The following ADAMTSL1 variants were observed in gnomAD, a reference collection of about 807,000 sequenced individuals.
ADAMTSL1 encodes ADAMTS-like protein 1.
A neutral mutation model predicts 201.8 loss-of-function variants in ADAMTSL1; 126 were observed. The observed-to-expected ratio is 0.62, with a 90% confidence interval of 0.54 to 0.72. ADAMTSL1 has a LOEUF of 0.72. Ranked by LOEUF, ADAMTSL1 falls within the 30% of genes least tolerant of loss-of-function variation. ADAMTSL1 has a pLI of 0.00. For synonymous variants in ADAMTSL1, 1,121 were observed against 903.4 expected (o/e 1.24, Z -4.32); for missense variants, 2,679 against 2,277.8 (o/e 1.18, Z -3.59).
chr9:17,967,407 G>A (rs1318116832), intron 1 of ADAMTSL1, among the ~76,000 whole-genome samples: 1 of 151,976 alleles, frequency 6.6e-6, no homozygotes, highest in African/African-American at 2.4e-5. Flanking sequence ...TCTCTAAATT[G>A]ACTTTTTGTA....
At chr9:18,312,142 C>T (rs532922796) in intron 2 of ADAMTSL1, among the ~76,000 whole-genome samples, 4 of 152,132 alleles carry the variant, frequency 2.6e-5, no homozygotes, top group Non-Finnish European at 2.9e-5. Flanking sequence ...GTACAGATTA[C>T]GGATAGCTGC....
At position 18,183,689 on chromosome 9, in the gene ADAMTSL1, A is replaced by G. The variant is rs115777648; in HGVS notation, c.207+19708A>G. Among the ~76,000 whole-genome samples, 1,308 of 152,280 alleles carry G rather than the reference A, an allele frequency of 8.6e-3. 17 individuals are homozygous for G. Among genetic ancestry groups the G allele is most frequent in the African/African-American group, 0.029 (1,214 of 41,550 alleles). On this transcript the variant is annotated intron_variant, in intron 2 of 29. Coordinates refer to the ADAMTSL1 transcript ENST00000680146. The stretch of plus-strand genomic sequence containing the variant: ...GAGATACCACTACACATCTATTAGA[A>G]TGGTCAAAATCCAAACGCTGACATC...
intron 2 of ADAMTSL1, among the ~76,000 whole-genome samples, chr9:18,522,203 AC>A (rs1818739902): frequency 6.6e-6 from 1 of 152,098 alleles, no homozygotes; most frequent in Non-Finnish European, 1.5e-5. Flanking sequence ...TATGCTCACT[AC>A]CTGGTGACAG....
chr9:18,208,554 G>T (rs903362589), intron 2 of ADAMTSL1, among the ~76,000 whole-genome samples: 3 of 152,086 alleles, frequency 2.0e-5, no homozygotes, highest in African/African-American at 7.2e-5. Flanking sequence ...AAGACACCAG[G>T]CACAGTTTTA....
intron 2 of ADAMTSL1, among the ~76,000 whole-genome samples, chr9:18,359,824 C>T (rs1180048550): frequency 1.2e-5 from 1 of 81,588 alleles, no homozygotes; most frequent in African/African-American, 5.4e-5. Context: ...CACCTCCCCA[C>T]CCGCCCCCCC....
At chr9:18,694,860 G>C (rs991664312) in intron 13 of ADAMTSL1, among the ~76,000 whole-genome samples, 1 of 152,192 alleles carries the variant, frequency 6.6e-6, no homozygotes, top group East Asian at 1.9e-4. Flanking sequence ...TTCTCCATGA[G>C]GTCTCTGTTC....
intron 2 of ADAMTSL1, among the ~76,000 whole-genome samples, chr9:18,439,218 A>G (rs1388778448): frequency 6.6e-6 from 1 of 152,094 alleles, no homozygotes. Flanking sequence ...CCCGGTTCCT[A>G]TGTCTTCATT....
At chr9:18,493,063 C>G (rs1822343610) in intron 1 of ADAMTSL1, among the ~76,000 whole-genome samples, 1 of 152,194 alleles carries the variant, frequency 6.6e-6, no homozygotes, top group Admixed American at 6.5e-5. Context: ...AGCTGAATAT[C>G]ACCTAGTCCC....
intron 3 of ADAMTSL1, among the ~76,000 whole-genome samples, chr9:18,565,656 C>G (rs1821843533): frequency 6.6e-6 from 1 of 151,756 alleles, no homozygotes; most frequent in African/African-American, 2.4e-5. Flanking sequence ...GCACCATCCT[C>G]CAAAACTGAC....
chr9:18,209,062 G>T (rs1829764165), intron 2 of ADAMTSL1, among the ~76,000 whole-genome samples: 1 of 152,044 alleles, frequency 6.6e-6, no homozygotes, highest in Non-Finnish European at 1.5e-5. Context: ...TTGTAATTTA[G>T]GTTTACAGTA....
intron 2 of ADAMTSL1, among the ~76,000 whole-genome samples, chr9:18,399,508 A>C (rs1471905502): frequency 1.0e-5 from 1 of 97,218 alleles, no homozygotes; most frequent in African/African-American, 4.2e-5. Context: ...TTTCTGGCTG[A>C]TTTTTATATT....
intron 23 of ADAMTSL1, among the ~76,000 whole-genome samples, chr9:18,861,103 C>G (rs537746724): frequency 3.3e-5 from 5 of 152,314 alleles, no homozygotes; most frequent in Admixed American, 3.3e-4. Flanking sequence ...ATACACATCC[C>G]TCATTATACA....
chr9:18,632,722 G>A (rs1826855182), intron 5 of ADAMTSL1, among the ~76,000 whole-genome samples: 1 of 152,260 alleles, frequency 6.6e-6, no homozygotes. Context: ...ATCGTTTAAT[G>A]TCTGGCCAGG....
At chr9:18,825,258 C>T (rs1438641270) in intron 21 of ADAMTSL1, among the ~76,000 whole-genome samples, 1 of 152,126 alleles carries the variant, frequency 6.6e-6, no homozygotes, top group South Asian at 2.1e-4. Flanking sequence ...AAGGAAACTT[C>T]CTGAGGAATT....
At chr9:18,569,396 A>T (rs1198175646) in intron 3 of ADAMTSL1, among the ~76,000 whole-genome samples, 1 of 152,214 alleles carries the variant, frequency 6.6e-6, no homozygotes, top group Non-Finnish European at 1.5e-5. Flanking sequence ...TAAATACAGT[A>T]ATTCGTGGGA....
chr9:18,191,471 T>C (rs900373824), intron 2 of ADAMTSL1, among the ~76,000 whole-genome samples: 1 of 152,236 alleles, frequency 6.6e-6, no homozygotes, highest in Middle Eastern at 3.4e-3. Context: ...CATGGAGGCA[T>C]AAACGTCAGA....
chr9:17,924,221 T>C (rs1181582707), intron 1 of ADAMTSL1, among the ~76,000 whole-genome samples: 1 of 152,054 alleles, frequency 6.6e-6, no homozygotes. Flanking sequence ...TCCTTGTACC[T>C]CTGGTAGAAT....
intron 1 of ADAMTSL1, among the ~76,000 whole-genome samples, chr9:17,924,254 C>G (rs1485895659): frequency 6.6e-6 from 1 of 152,078 alleles, no homozygotes; most frequent in Non-Finnish European, 1.5e-5. Flanking sequence ...CCATCTGGTC[C>G]TGGACTCTTT....
intron 23 of ADAMTSL1, 34 bp from the exon 24 acceptor site, chr9:18,887,797 T>C (rs555094770): frequency 1.3e-6 from 2 of 1,580,398 alleles, no homozygotes; most frequent in Admixed American, 1.7e-5. Context: ...CCTTATGGCT[T>C]TACTAAGGCT....
Sources: gnomAD v4.1 joint callset for allele counts (sites outside exome capture counted in the v4.1 genomes callset) on GRCh38, gnomAD v4.1.1 for gene constraint, MANE v1.5 for transcripts, NCBI Gene and HGNC (gene_info 2026-07-23, HGNC 2026-07-21) for gene names.